UBE2L6: variants seen among roughly 807,000 people sequenced by gnomAD.
UBE2L6 encodes the protein ubiquitin/ISG15-conjugating enzyme E2 L6.
In UBE2L6, 11 loss-of-function variants were observed where a neutral mutation model predicts 13.6. That is an observed-to-expected ratio of 0.81 (90% CI 0.51 to 1.34). The LOEUF is 1.34. Ranked by LOEUF, UBE2L6 falls within the 40% of genes most tolerant of loss-of-function variation. The probability of loss-of-function intolerance (pLI) is 0.00; values close to 1 mark genes in which losing one functional copy is unlikely to be tolerated. For synonymous variants in UBE2L6, 74 were observed against 83.2 expected (o/e 0.89, Z 0.60); for missense variants, 197 against 199.5 (o/e 0.99, Z 0.07).
intron 2 of UBE2L6, among the ~76,000 whole-genome samples, chr11:57,556,185 T>C (rs1047570421): frequency 6.6e-6 from 1 of 152,068 alleles, no homozygotes; most frequent in Non-Finnish European, 1.5e-5. Context: ...TGACACTCAC[T>C]AGCCATGTGA....
chr11:57,555,314 A>C (rs1944988828), intron 2 of UBE2L6, among the ~76,000 whole-genome samples: 1 of 152,268 alleles, frequency 6.6e-6, no homozygotes, highest in Non-Finnish European at 1.5e-5. Context: ...AAAAGGAATG[A>C]AATTCTGATA....
At chr11:57,567,840 G>A, upstream of UBE2L6, 2 of 477,146 alleles carry the variant, frequency 4.2e-6, no homozygotes, top group Admixed American at 4.3e-5. Flanking sequence ...GCTCGGACCC[G>A]GGACTCACGG....
At chr11:57,563,865 G>A (rs764529871) in intron 1 of UBE2L6, among the ~76,000 whole-genome samples, 2 of 152,098 alleles carry the variant, frequency 1.3e-5, no homozygotes, top group Non-Finnish European at 2.9e-5. Flanking sequence ...TTGTGCCACT[G>A]CACTCCATCC....
intron 1 of UBE2L6, among the ~76,000 whole-genome samples, chr11:57,563,684 G>A (rs921030623): frequency 2.7e-5 from 4 of 149,548 alleles, no homozygotes; most frequent in Admixed American, 1.3e-4. Context: ...GAGATCAGGA[G>A]ATCGAGACCA....
In UBE2L6 at chr11:57,560,340, TAGG is replaced by T. The variant is rs1413982161; in HGVS notation, c.117_119del (p.Leu40del). ...CATGGTCCCCATGGATACTCACGGG[TAGG>T]AGGAGAGCGTGCCACACCAGGACAT... On this transcript the variant is annotated inframe_deletion, in exon 2 of 4. Coordinates refer to ENST00000287156, the MANE Select transcript of UBE2L6 (RefSeq NM_004223.5). The T allele has an allele frequency of 8.1e-6, 13 of 1,613,316 alleles. No homozygotes were observed. Among genetic ancestry groups the T allele is most frequent in the Non-Finnish European group, 1.0e-5 (12 of 1,179,538 alleles).
chr11:57,559,013 T>C (rs1945017826), intron 2 of UBE2L6, among the ~76,000 whole-genome samples: 1 of 152,354 alleles, frequency 6.6e-6, no homozygotes, highest in Admixed American at 6.5e-5. Context: ...TCTGATTTCA[T>C]AGTACTCTGC....
intron 1 of UBE2L6, 132 bp from the exon 2 acceptor site, chr11:57,560,564 C>G: frequency 1.5e-6 from 1 of 657,078 alleles, no homozygotes; most frequent in South Asian, 1.7e-5. Flanking sequence ...AAAGTCAGAG[C>G]CTACATTTAC....
chr11:57,565,590 C>T (rs1000540300), intron 1 of UBE2L6, among the ~76,000 whole-genome samples: 3 of 151,890 alleles, frequency 2.0e-5, no homozygotes, highest in African/African-American at 7.3e-5. Flanking sequence ...GTCTCGAACT[C>T]CTAGGCTCAA....
intron 1 of UBE2L6, among the ~76,000 whole-genome samples, chr11:57,562,018 G>A (rs1399704977): frequency 6.6e-6 from 1 of 152,252 alleles, no homozygotes; most frequent in Non-Finnish European, 1.5e-5. Context: ...AATCGGGAGA[G>A]TGGATAGAGG....
intron 2 of UBE2L6, among the ~76,000 whole-genome samples, chr11:57,558,329 T>TCAGCCTCTCACCC (rs1306166191): frequency 1.3e-5 from 2 of 152,196 alleles, no homozygotes; most frequent in African/African-American, 4.8e-5. Flanking sequence ...TCCACCCACC[T>TCAGCCTCTCACCC]CAGCCTCTCA....
rs118142052 is a variant in UBE2L6 at position 57,555,268 on chromosome 11, G to A, written c.124-645C>T. 9.5e-4 allele frequency among the ~76,000 whole-genome samples: 145 copies of A among 152,276 alleles called. 3 individuals carry two copies. In the East Asian group the frequency reaches 0.024, roughly 25 times the overall value. On this transcript the variant is annotated intron_variant, in intron 2 of 3. Coordinates refer to ENST00000287156, the MANE Select transcript of UBE2L6 (RefSeq NM_004223.5). Reference sequence around the variant, plus strand: ...CTATCAATGGATCAATCAACAAAACGTGGCATATACACACAATGGAGTATT... The same window carrying A: ...CTATCAATGGATCAATCAACAAAACATGGCATATACACACAATGGAGTATT...
upstream of UBE2L6, chr11:57,567,722 C>A: frequency 7.3e-7 from 1 of 1,371,598 alleles, no homozygotes; most frequent in African/African-American, 1.5e-5. Context: ...GCCCCGCCCA[C>A]CCCTCCTCCA....
intron 1 of UBE2L6, among the ~76,000 whole-genome samples, chr11:57,563,294 A>G (rs2729375): frequency 0.42 from 63,125 of 151,178 alleles, 13,722 homozygotes; most frequent in East Asian, 0.73. Context: ...GTGCAAGACC[A>G]GCCTGGCCAA....
At chr11:57,563,860 C>A (rs1237820913) in intron 1 of UBE2L6, among the ~76,000 whole-genome samples, 1 of 152,052 alleles carries the variant, frequency 6.6e-6, no homozygotes, top group Non-Finnish European at 1.5e-5. Flanking sequence ...CAAGATTGTG[C>A]CACTGCACTC....
At chr11:57,561,373 C>T (rs1009679457) in intron 1 of UBE2L6, among the ~76,000 whole-genome samples, 2 of 152,202 alleles carry the variant, frequency 1.3e-5, no homozygotes, top group African/African-American at 4.8e-5. Context: ...CATTACTGAG[C>T]ATCTTCTACT....
At chr11:57,565,571 C>T (rs569273827) in intron 1 of UBE2L6, among the ~76,000 whole-genome samples, 2 of 151,784 alleles carry the variant, frequency 1.3e-5, no homozygotes, top group African/African-American at 4.8e-5. Context: ...GGCTGTGTTA[C>T]CCAGGCTGGT....
In UBE2L6 at chr11:57,551,999, T is replaced by G; in HGVS notation, c.*359A>C. The G allele has an allele frequency of 4.1e-6, 1 of 241,766 alleles. No individual in the cohort carries two copies. Among genetic ancestry groups the G allele is most frequent in the Non-Finnish European group, 8.1e-6 (1 of 123,208 alleles). The allele number at this position is 241,766 out of a possible 1,614,324, so 15.0% of individuals were successfully genotyped here. ...CCTCAGTGCCTGAGCCCTAGGGGGATTCGAGTTGGCTGCTGGATTCATTTC... is the reference window on the plus strand; with the variant it reads ...CCTCAGTGCCTGAGCCCTAGGGGGAGTCGAGTTGGCTGCTGGATTCATTTC... On this transcript the variant is annotated 3_prime_UTR_variant, in exon 4 of 4. Coordinates refer to ENST00000287156, the MANE Select transcript of UBE2L6 (RefSeq NM_004223.5).
intron 1 of UBE2L6, among the ~76,000 whole-genome samples, chr11:57,562,243 G>A (rs1945053283): frequency 6.6e-6 from 1 of 152,222 alleles, no homozygotes; most frequent in Non-Finnish European, 1.5e-5. Flanking sequence ...CTATATCTGG[G>A]GAAAAGGGAG....
Position 57,560,402 on chromosome 11 carries a change from G to C in UBE2L6, c.58C>G (p.Pro20Ala). ...TCGCTGGACAGGTTCCGCAGGTATG[G>C]GGGAGGCTTCTTCTGAAGATCCTCC... ...ELEDLQKKPP[P>A]YLRNLSSDDA... is the part of the protein sequence containing the mutation. Residue 20 changes from proline (P) to alanine (A), a missense_variant, in exon 2 of 4, where the codon CCA becomes GCA. Transcript: ENST00000287156. 6.2e-7 allele frequency: 1 copy of C among 1,613,760 alleles called. No homozygotes were observed. The highest frequency in any genetic ancestry group is 8.5e-7 in the Non-Finnish European group (1 of 1,179,934).
Sources: gnomAD v4.1 joint callset for allele counts (sites outside exome capture counted in the v4.1 genomes callset) on GRCh38, gnomAD v4.1.1 for gene constraint, MANE v1.5 for transcripts, NCBI Gene and HGNC (gene_info 2026-07-23, HGNC 2026-07-21) for gene names.